Variants in GNAL observed in about 807,000 individuals in gnomAD.
GNAL encodes the protein G protein subunit alpha L.
Under a neutral mutation model 55.1 loss-of-function variants are expected in GNAL, and 18 were observed. The observed-to-expected ratio is 0.33, with a 90% confidence interval of 0.23 to 0.48. The LOEUF is 0.48. Ranked by LOEUF, GNAL falls within the 20% of genes least tolerant of loss-of-function variation. The probability of loss-of-function intolerance (pLI) is 0.99; values close to 1 mark genes in which losing one functional copy is unlikely to be tolerated. For synonymous variants in GNAL, 253 were observed against 237.0 expected (o/e 1.07, Z -0.62); for missense variants, 412 against 614.1 (o/e 0.67, Z 3.48).
chr18:11,830,414 T>C (rs548344656), intron 5 of GNAL, among the ~76,000 whole-genome samples: 1 of 150,350 alleles, frequency 6.7e-6, no homozygotes, highest in Admixed American at 6.7e-5. Flanking sequence ...AGCCTCAGAA[T>C]TGCATCTTGA....
intron 10 of GNAL, among the ~76,000 whole-genome samples, chr18:11,875,862 A>C (rs888463776): frequency 6.6e-6 from 1 of 152,220 alleles, no homozygotes; most frequent in Non-Finnish European, 1.5e-5. Context: ...GAAATGTCAA[A>C]GATTAAGACA....
intron 1 of GNAL, among the ~76,000 whole-genome samples, chr18:11,727,302 C>T (rs1230253649): frequency 1.3e-5 from 2 of 152,236 alleles, no homozygotes; most frequent in South Asian, 4.1e-4. Flanking sequence ...CACACTTTCC[C>T]ACCTGCCTTG....
In GNAL at chr18:11,881,202, G is replaced by A; in HGVS notation, c.*67G>A. ...GCCTGACTGCCAGCCCCATGCCATG[G>A]TAGGAGGCAGAGTCTCTAGTTCCAT... On this transcript the variant is annotated 3_prime_UTR_variant, in exon 12 of 12. Coordinates refer to ENST00000334049, the MANE Select transcript of GNAL (RefSeq NM_182978.4). This position sits in a 1 kb window ranked among gnomAD's most constrained non-coding sequence, Gnocchi z 4.8. 1.4e-6 allele frequency: 2 copies of A among 1,465,208 alleles called. No homozygotes were observed. Among genetic ancestry groups the A allele is most frequent in the Non-Finnish European group, 1.9e-6 (2 of 1,079,980 alleles). 90.8% of individuals were successfully genotyped at this position (1,465,208 alleles called of 1,614,324 possible).
At chr18:11,717,463 C>T (rs1293141394) in intron 1 of GNAL, among the ~76,000 whole-genome samples, 1 of 152,232 alleles carries the variant, frequency 6.6e-6, no homozygotes, top group African/African-American at 2.4e-5. Flanking sequence ...ACGCTGTCAC[C>T]TCTCACTACC....
chr18:11,704,136 C>G (rs1190285166), intron 1 of GNAL, among the ~76,000 whole-genome samples: 1 of 152,174 alleles, frequency 6.6e-6, no homozygotes, highest in Non-Finnish European at 1.5e-5. Context: ...GGTGTTCTTC[C>G]GTGGAGCCTG....
chr18:11,710,489 A>G, intron 1 of GNAL, among the ~76,000 whole-genome samples: 1 of 152,194 alleles, frequency 6.6e-6, no homozygotes. Context: ...ACCTTTACGA[A>G]TGAACTTTAT....
chr18:11,852,151 C>A, intron 5 of GNAL: 1 of 1,520,278 alleles, frequency 6.6e-7, no homozygotes, highest in South Asian at 1.3e-5. Context: ...CATAGCCACC[C>A]TTTGAAATGC....
chr18:11,851,687 A>C (rs200810906), intron 5 of GNAL: 1 of 1,613,956 alleles, frequency 6.2e-7, no homozygotes, highest in Non-Finnish European at 8.5e-7. Flanking sequence ...ATCCGCCAGA[A>C]GAACCAGGCG....
At chr18:11,780,767 A>AT (rs1314901190) in intron 4 of GNAL, among the ~76,000 whole-genome samples, 2 of 152,360 alleles carry the variant, frequency 1.3e-5, no homozygotes, top group African/African-American at 4.8e-5. Flanking sequence ...GGTAAGGTGA[A>AT]TAACTCAGTA....
chr18:11,826,761 T>G (rs1450167952), intron 5 of GNAL, among the ~76,000 whole-genome samples: 1 of 151,974 alleles, frequency 6.6e-6, no homozygotes, highest in Middle Eastern at 3.2e-3. Context: ...CAGCTCTGAT[T>G]TGGAGAAGTT....
chr18:11,813,016 G>GA (rs1277278319), intron 4 of GNAL, among the ~76,000 whole-genome samples: 4 of 152,076 alleles, frequency 2.6e-5, no homozygotes, highest in Non-Finnish European at 5.9e-5. Context: ...AGCACTTTGG[G>GA]AGGCCAAGGC....
chr18:11,814,715 G>T (rs1454840848), intron 4 of GNAL, among the ~76,000 whole-genome samples: 1 of 151,798 alleles, frequency 6.6e-6, no homozygotes, highest in Non-Finnish European at 1.5e-5. Flanking sequence ...TGACCAACAT[G>T]GCGAAACGCT....
chr18:11,794,352 A>G lies in GNAL; in HGVS notation c.625-30566A>G, dbSNP rs376496497. Among the ~76,000 whole-genome samples, 20 of 152,358 alleles carry G rather than the reference A, an allele frequency of 1.3e-4. 1 individual carries two copies. In the East Asian group the frequency reaches 3.5e-3, roughly 26 times the overall value. On this transcript the variant is annotated intron_variant, in intron 4 of 11. Coordinates refer to ENST00000334049, the MANE Select transcript of GNAL (RefSeq NM_182978.4). ...CCAATGTTCATCAACAGATGAATGG[A>G]TAAACAAAATGTCTTCTATCCGTGC...
At position 11,748,965 on chromosome 18, in the gene GNAL, A is replaced by C. The variant is rs1171837384; in HGVS notation, c.377-3888A>C. 2.6e-5 allele frequency among the ~76,000 whole-genome samples: 4 copies of C among 152,098 alleles called. No individual in the cohort carries two copies. The East Asian group carries it at 7.7e-4, about 29-fold the overall frequency. On this transcript the variant is annotated intron_variant, in intron 1 of 11. Coordinates refer to ENST00000334049, the MANE Select transcript of GNAL (RefSeq NM_182978.4). ...CATGGTGAAACCCCGTCTCTACTAA[A>C]AATACAAAAAATTAGCTGGGTGTGA...
At chr18:11,757,576 C>T (rs1047930864) in intron 4 of GNAL, among the ~76,000 whole-genome samples, 1 of 152,088 alleles carries the variant, frequency 6.6e-6, no homozygotes, top group African/African-American at 2.4e-5. Context: ...GACTTGTCGG[C>T]ATGTGGATAT....
intron 1 of GNAL, among the ~76,000 whole-genome samples, chr18:11,709,753 A>T (rs1377275639): frequency 6.6e-6 from 1 of 152,186 alleles, no homozygotes; most frequent in Non-Finnish European, 1.5e-5. Flanking sequence ...GCAAGCAGAT[A>T]ATTTTACTTC....
At chr18:11,866,350 C>T (rs900772632) in intron 7 of GNAL, among the ~76,000 whole-genome samples, 1 of 150,298 alleles carries the variant, frequency 6.7e-6, no homozygotes, top group African/African-American at 2.5e-5. Context: ...AAATCTAGCC[C>T]GTGTGGTCCT....
At chr18:11,753,476 T>C in intron 2 of GNAL, 152 bp from the exon 3 acceptor site, 1 of 578,758 alleles carries the variant, frequency 1.7e-6, no homozygotes, top group Non-Finnish European at 3.1e-6. Flanking sequence ...CTTTCCCAGA[T>C]AAAACCTTTG....
At position 11,689,798 on chromosome 18, in the gene GNAL, G is replaced by C. The variant is rs866744675; in HGVS notation, c.235G>C (p.Glu79Gln). Residue 79 changes from glutamate (E) to glutamine (Q), a missense_variant, in exon 1 of 12, where the codon GAG becomes CAG. Physicochemically the swap from Glu to Gln is conservative, Grantham distance 29. Around this residue, in one of 5 missense-constraint regions of GNAL, gnomAD observed 228 missense variants for 194.8 expected, o/e 1.17. Transcript: ENST00000334049. The part of the protein sequence containing the change: ...DKPKEKRQRT[E>Q]QLSAEEREAA... ...GCCGAAGGAGAAGCGGCAGCGCACC[G>C]AGCAGCTGAGTGCCGAGGAGCGCGA... 1.3e-6 allele frequency: 2 copies of C among 1,537,856 alleles called. No homozygotes were observed. Among genetic ancestry groups the C allele is most frequent in the Non-Finnish European group, 1.7e-6 (2 of 1,145,296 alleles).
Sources: gnomAD v4.1 joint callset for allele counts (sites outside exome capture counted in the v4.1 genomes callset) on GRCh38, gnomAD v4.1.1 for gene constraint, gnomAD v4.1.1 regional missense constraint, Gnocchi (gnomAD v3.1) non-coding constraint, MANE v1.5 for transcripts, NCBI Gene and HGNC (gene_info 2026-07-23, HGNC 2026-07-21) for gene names.